The following BMPER variants were observed in gnomAD, a reference collection of about 807,000 sequenced individuals.
BMPER encodes the protein BMP-binding endothelial regulator protein.
A neutral mutation model predicts 87.3 loss-of-function variants in BMPER; 45 were observed. That is an observed-to-expected ratio of 0.52 (90% confidence interval 0.41 to 0.66). BMPER has a LOEUF of 0.66. Among genes scored for constraint, BMPER ranks in the 30% least tolerant of loss-of-function variants. The pLI is 0.00. For synonymous variants in BMPER, 326 were observed against 316.2 expected (o/e 1.03, Z -0.33); for missense variants, 784 against 867.5 (o/e 0.90, Z 1.21).
chr7:34,153,068 C>T, intron 14 of BMPER, 24 bp from the exon 15 acceptor site: 2 of 1,613,634 alleles, frequency 1.2e-6, no homozygotes, highest in East Asian at 2.2e-5. Context: ...CCATGTTATG[C>T]CTTTGTCTCC....
chr7:34,013,597 C>T (rs185816180), intron 6 of BMPER, among the ~76,000 whole-genome samples: 105 of 151,860 alleles, frequency 6.9e-4, no homozygotes, highest in African/African-American at 2.2e-3. Flanking sequence ...TTTAGAGTTG[C>T]GAAACCATTA....
At chr7:33,937,679 C>G (rs867131889) in intron 3 of BMPER, 7 of 433,972 alleles carry the variant, frequency 1.6e-5, no homozygotes, top group African/African-American at 1.0e-4. Context: ...GAAGAGTCAA[C>G]CACCATGCCT....
intron 14 of BMPER, among the ~76,000 whole-genome samples, chr7:34,149,985 A>C (rs894928325): frequency 6.6e-6 from 1 of 152,176 alleles, no homozygotes; most frequent in African/African-American, 2.4e-5. Flanking sequence ...TTAATTTGCT[A>C]TGACAAAGAG....
At chr7:34,086,647 T>A (rs1028931321) in intron 13 of BMPER, among the ~76,000 whole-genome samples, 1 of 152,226 alleles carries the variant, frequency 6.6e-6, no homozygotes, top group Non-Finnish European at 1.5e-5. Flanking sequence ...TAGAGTCAGA[T>A]GACAGTAGAA....
chr7:34,030,483 A>G (rs766762749), intron 6 of BMPER, among the ~76,000 whole-genome samples: 3 of 152,152 alleles, frequency 2.0e-5, no homozygotes, highest in Non-Finnish European at 4.4e-5. Context: ...GAAGGAACCT[A>G]TTTAACTTTG....
intron 13 of BMPER, among the ~76,000 whole-genome samples, chr7:34,124,239 T>C (rs1228163983): frequency 6.6e-6 from 1 of 152,228 alleles, no homozygotes; most frequent in Non-Finnish European, 1.5e-5. Flanking sequence ...TAGCCTCTAC[T>C]TCCACAACTC....
chr7:33,918,695 A>T (rs1455089274), intron 2 of BMPER, among the ~76,000 whole-genome samples: 1 of 152,220 alleles, frequency 6.6e-6, no homozygotes, highest in South Asian at 2.1e-4. Context: ...GCTTCTGTTT[A>T]TGCCCCTTGG....
intron 6 of BMPER, among the ~76,000 whole-genome samples, chr7:34,010,943 A>G (rs1015926840): frequency 6.6e-6 from 1 of 151,946 alleles, no homozygotes; most frequent in African/African-American, 2.4e-5. Flanking sequence ...AATAATTTAG[A>G]AAATGCCTTT....
intron 6 of BMPER, among the ~76,000 whole-genome samples, chr7:34,007,620 A>G (rs1430251710): frequency 3.3e-5 from 5 of 152,160 alleles, no homozygotes; most frequent in East Asian, 1.9e-4. Context: ...ATCAGTGTAT[A>G]TAAGAGCTGC....
At chr7:34,062,132 CA>C (rs896633388) in intron 11 of BMPER, 85 bp downstream of exon 11, 28 of 1,263,748 alleles carry the variant, frequency 2.2e-5, no homozygotes, top group African/African-American at 7.4e-5. Context: ...GTATGTTTCC[CA>C]CACATTTTAT....
At chr7:34,010,697 A>G (rs763366975) in intron 6 of BMPER, among the ~76,000 whole-genome samples, 12 of 151,956 alleles carry the variant, frequency 7.9e-5, no homozygotes, top group Non-Finnish European at 1.5e-4. Flanking sequence ...TATATTCATG[A>G]GTTTCGTAAT....
At chr7:34,104,325 A>G (rs1789761693) in intron 13 of BMPER, among the ~76,000 whole-genome samples, 1 of 152,186 alleles carries the variant, frequency 6.6e-6, no homozygotes, top group Non-Finnish European at 1.5e-5. Flanking sequence ...CTCTTGAGGA[A>G]AGAGGCCATT....
intron 13 of BMPER, among the ~76,000 whole-genome samples, chr7:34,109,566 T>C (rs779880326): frequency 5.9e-5 from 9 of 152,222 alleles, no homozygotes; most frequent in Admixed American, 1.3e-4. Context: ...TAATTTGTTA[T>C]ACTTTCTCAG....
intron 13 of BMPER, among the ~76,000 whole-genome samples, chr7:34,139,328 C>T (rs575092833): frequency 6.6e-6 from 1 of 152,168 alleles, no homozygotes; most frequent in South Asian, 2.1e-4. Context: ...GCTGGAGGAA[C>T]GTTGAATAAC....
intron 3 of BMPER, among the ~76,000 whole-genome samples, chr7:33,939,721 T>A (rs766163860): frequency 1.3e-5 from 2 of 152,132 alleles, no homozygotes; most frequent in Non-Finnish European, 2.9e-5. Context: ...GTGAAGAAGG[T>A]GCCTTGCTTC....
chr7:33,918,496 C>T (rs1053542915), intron 2 of BMPER, among the ~76,000 whole-genome samples: 3 of 152,228 alleles, frequency 2.0e-5, no homozygotes, highest in Non-Finnish European at 4.4e-5. Context: ...GAGACACTCA[C>T]AGCCTGCTGG....
At chr7:33,959,029 G>A (rs1341365009) in intron 3 of BMPER, among the ~76,000 whole-genome samples, 1 of 152,170 alleles carries the variant, frequency 6.6e-6, no homozygotes, top group Non-Finnish European at 1.5e-5. Context: ...CTGCCGCCAT[G>A]TGAGAAGTCC....
At chr7:34,107,682 G>A (rs1789857342) in intron 13 of BMPER, among the ~76,000 whole-genome samples, 1 of 152,132 alleles carries the variant, frequency 6.6e-6, no homozygotes, top group African/African-American at 2.4e-5. Context: ...TTTTAGGATT[G>A]TTTCTCCAAT....
chr7:34,081,923 A>G (rs1473288415), intron 12 of BMPER, among the ~76,000 whole-genome samples: 3 of 152,206 alleles, frequency 2.0e-5, no homozygotes, highest in African/African-American at 7.2e-5. Context: ...AAAAGCAACA[A>G]TAACAACCAG....
Sources: allele counts gnomAD v4.1 joint callset (sites outside exome capture counted in the v4.1 genomes callset), GRCh38; gene constraint gnomAD v4.1.1; transcripts MANE v1.5; gene names NCBI Gene and HGNC (gene_info 2026-07-23, HGNC 2026-07-21).